SLC22A24: variants seen among roughly 807,000 people sequenced by gnomAD.
SLC22A24 encodes the protein steroid transmembrane transporter SLC22A24.
Under a neutral mutation model 49.8 loss-of-function variants are expected in SLC22A24, and 53 were observed. The observed-to-expected ratio is 1.06, with a 90% CI of 0.85 to 1.34. The LOEUF (loss-of-function observed/expected upper bound fraction) is 1.34, where lower values mean the gene tolerates loss of function less well. Among genes scored for constraint, SLC22A24 ranks in the 40% most tolerant of loss-of-function variants. The pLI, the probability that SLC22A24 is intolerant of heterozygous loss-of-function variation, is 0.00. For missense variants in SLC22A24, 786 were observed against 675.9 expected, an observed-to-expected ratio of 1.16 and a Z score of -1.81; for synonymous variants, 302 against 256.4, an observed-to-expected ratio of 1.18 and a Z score of -1.70.
At chr11:63,087,024 G>GCACGCGCA (rs1555045312) in intron 6 of SLC22A24, among the ~76,000 whole-genome samples, 1 of 132,556 alleles carries the variant, frequency 7.5e-6, no homozygotes, top group Non-Finnish European at 1.5e-5. Context: ...CCTGGAGGGC[G>GCACGCGCA]CACACACACA....
intron 2 of SLC22A24, among the ~76,000 whole-genome samples, chr11:63,123,029 C>T (rs537760640): frequency 6.6e-6 from 1 of 152,048 alleles, no homozygotes; most frequent in Non-Finnish European, 1.5e-5. Context: ...TAAAGTAATC[C>T]TACAGTGGTA....
chr11:63,102,837 T>G (rs1318482994), intron 5 of SLC22A24, among the ~76,000 whole-genome samples: 2 of 152,166 alleles, frequency 1.3e-5, no homozygotes, highest in African/African-American at 4.8e-5. Context: ...ATAATTGCTC[T>G]GAACTCCTTG....
chr11:63,116,120 C>A, intron 4 of SLC22A24: 1 of 424,836 alleles, frequency 2.4e-6, no homozygotes, highest in Non-Finnish European at 4.1e-6. Flanking sequence ...TTATGAGGGC[C>A]TTGATAGCCT....
chr11:63,118,761 A>C (rs2087229343), intron 4 of SLC22A24, 151 bp downstream of exon 4: 1 of 776,080 alleles, frequency 1.3e-6, no homozygotes, highest in Admixed American at 2.0e-5. Context: ...ATCCTATTCC[A>C]TTGTTTGCTT....
At chr11:63,080,191 G>A (rs2086951195) in intron 9 of SLC22A24, among the ~76,000 whole-genome samples, 191 bp from the exon 10 acceptor site, 1 of 152,160 alleles carries the variant, frequency 6.6e-6, no homozygotes, top group Non-Finnish European at 1.5e-5. Context: ...TCCTGGGAAG[G>A]CAGTGTTGAA....
chr11:63,080,888 C>T, intron 9 of SLC22A24, 32 bp downstream of exon 9: 6 of 1,530,764 alleles, frequency 3.9e-6, no homozygotes, highest in Non-Finnish European at 5.3e-6. Context: ...TAGCCACTCC[C>T]CACTCAAGTG....
chr11:63,115,716 G>A (rs2087207837), intron 4 of SLC22A24, among the ~76,000 whole-genome samples: 1 of 151,436 alleles, frequency 6.6e-6, no homozygotes, highest in African/African-American at 2.4e-5. Flanking sequence ...ACCCGGTTTT[G>A]TTTTTTTTAT....
intron 4 of SLC22A24, 135 bp downstream of exon 4, chr11:63,118,777 G>C (rs2087229505): frequency 1.1e-6 from 1 of 890,922 alleles, no homozygotes; most frequent in Non-Finnish European, 1.8e-6. Flanking sequence ...TGCTTCTCAG[G>C]TGACACAATA....
intron 1 of SLC22A24, among the ~76,000 whole-genome samples, chr11:63,139,672 A>C (rs2087400839): frequency 6.6e-6 from 1 of 152,220 alleles, no homozygotes; most frequent in African/African-American, 2.4e-5. Flanking sequence ...TAAAAGCACC[A>C]CACTGACTTC....
At chr11:63,087,024 G>GTGCACACACACA (rs1555045311) in intron 6 of SLC22A24, among the ~76,000 whole-genome samples, 1 of 132,556 alleles carries the variant, frequency 7.5e-6, no homozygotes, top group African/African-American at 2.9e-5. Flanking sequence ...CCTGGAGGGC[G>GTGCACACACACA]CACACACACA....
chr11:63,096,133 A>G (rs2087053483), intron 5 of SLC22A24, 27 bp from the exon 6 acceptor site: 1 of 1,394,292 alleles, frequency 7.2e-7, no homozygotes. Flanking sequence ...AACAACAAGC[A>G]TTTGTGAGAT....
chr11:63,116,955 A>G (rs1433568995), intron 4 of SLC22A24, among the ~76,000 whole-genome samples: 2 of 105,682 alleles, frequency 1.9e-5, no homozygotes, highest in Non-Finnish European at 4.2e-5. Context: ...GATGTTTTCT[A>G]TTTGGAGACA....
intron 2 of SLC22A24, among the ~76,000 whole-genome samples, chr11:63,127,250 T>C (rs952123102): frequency 6.6e-6 from 1 of 152,162 alleles, no homozygotes; most frequent in East Asian, 1.9e-4. Context: ...GTCCTTGTGA[T>C]AGTTTGTTTA....
chr11:63,122,617 C>G lies in SLC22A24; in HGVS notation c.507-3282G>C, dbSNP rs187369585. On this transcript the variant is annotated intron_variant, in intron 2 of 9. Coordinates refer to ENST00000612278, the MANE Select transcript of SLC22A24 (RefSeq NM_001136506.2). ...GCAACCTCCGCCTCCTGGGTTCAAG[C>G]CATTCTCCTGCCTCAGCCTCCCGAG... Among the ~76,000 whole-genome samples, 3 of 152,244 alleles carry G rather than the reference C, an allele frequency of 2.0e-5. No individual in the cohort carries two copies. The East Asian group carries it at 5.8e-4, about 29-fold the overall frequency.
At chr11:63,137,783 C>A (rs1171675918) in intron 1 of SLC22A24, 1 of 152,168 alleles carries the variant, frequency 6.6e-6, no homozygotes, top group Non-Finnish European at 1.5e-5. Context: ...AACCCCACAG[C>A]TATAGCACAA....
chr11:63,114,485 T>C (rs1289562800), intron 4 of SLC22A24, among the ~76,000 whole-genome samples: 1 of 152,238 alleles, frequency 6.6e-6, no homozygotes, highest in Non-Finnish European at 1.5e-5. Flanking sequence ...TTAGCTTCCT[T>C]GTGATGTGTT....
chr11:63,114,031 A>G (rs2087195020), intron 4 of SLC22A24, among the ~76,000 whole-genome samples: 1 of 151,710 alleles, frequency 6.6e-6, no homozygotes. Flanking sequence ...GAATCTGACA[A>G]TTGTGTGTCT....
chr11:63,128,800 T>C (rs1197946052), intron 2 of SLC22A24, among the ~76,000 whole-genome samples: 2 of 152,178 alleles, frequency 1.3e-5, no homozygotes, highest in African/African-American at 4.8e-5. Flanking sequence ...TTGTATCTAA[T>C]AAATAACAGC....
chr11:63,115,584 C>T (rs1267233064), intron 4 of SLC22A24, among the ~76,000 whole-genome samples: 2 of 152,172 alleles, frequency 1.3e-5, no homozygotes, highest in Non-Finnish European at 2.9e-5. Context: ...ACTGTCCAAG[C>T]AGTCCCAGTG....
Sources: gnomAD v4.1 joint callset for allele counts (sites outside exome capture counted in the v4.1 genomes callset) on GRCh38, gnomAD v4.1.1 for gene constraint, MANE v1.5 for transcripts, NCBI Gene and HGNC (gene_info 2026-07-23, HGNC 2026-07-21) for gene names.